ZMYM6: variants seen among roughly 807,000 people sequenced by gnomAD.
ZMYM6 encodes the protein zinc finger MYM-type containing 6.
A neutral mutation model predicts 134.0 loss-of-function variants in ZMYM6; 90 were observed. The observed-to-expected ratio is 0.67, with a 90% CI of 0.57 to 0.80. ZMYM6 has a LOEUF of 0.80. Among genes scored for constraint, ZMYM6 ranks in the 30% least tolerant of loss-of-function variants. The pLI, the probability that ZMYM6 is intolerant of heterozygous loss-of-function variation, is 0.00. For synonymous variants in ZMYM6, 481 were observed against 524.1 expected, an observed-to-expected ratio of 0.92 and a Z score of 1.12; for missense variants, 1,362 against 1,533.9, an observed-to-expected ratio of 0.89 and a Z score of 1.87.
At chr1:35,002,113 C>T (rs547668218) in intron 14 of ZMYM6, among the ~76,000 whole-genome samples, 2 of 152,294 alleles carry the variant, frequency 1.3e-5, no homozygotes, top group Middle Eastern at 3.4e-3. Flanking sequence ...GGATTGACTG[C>T]TAGGACCCTC....
chr1:35,020,520 T>A, intron 2 of ZMYM6, 53 bp from the exon 3 acceptor site: 1 of 1,313,722 alleles, frequency 7.6e-7, no homozygotes, highest in Non-Finnish European at 1.0e-6. Flanking sequence ...TGTATGTAAG[T>A]AAACTAGAAA....
intron 11 of ZMYM6, among the ~76,000 whole-genome samples, chr1:35,008,069 A>G (rs1303315132): frequency 6.6e-6 from 1 of 152,134 alleles, no homozygotes; most frequent in African/African-American, 2.4e-5. Context: ...ACCCTCCCCC[A>G]ACAATAAAAT....
intron 2 of ZMYM6, among the ~76,000 whole-genome samples, chr1:35,020,963 C>T (rs1641299103): frequency 6.6e-6 from 1 of 152,034 alleles, no homozygotes. Context: ...TTTACAAAGA[C>T]AATCTTTCAG....
intron 14 of ZMYM6, among the ~76,000 whole-genome samples, chr1:35,002,271 G>T (rs1430837895): frequency 6.6e-6 from 1 of 152,192 alleles, no homozygotes; most frequent in African/African-American, 2.4e-5. Context: ...ATTAGCAGGT[G>T]TTATGTTGTC....
rs369031004 is a variant in ZMYM6, at chr1:35,027,789, C to CA, written c.93+2757dup. Among the ~76,000 whole-genome samples the CA allele has an allele frequency of 2.7e-3, 409 of 152,060 alleles. 3 individuals are homozygous for CA. The highest frequency in any genetic ancestry group is 9.4e-3 in the African/African-American group (391 of 41,500). On this transcript the variant is annotated intron_variant, in intron 2 of 15. Transcript: ENST00000357182. ...ATAGAAGAACATCATGGGTCAGATACAAAAAATATTTAAAAGCTAAAAACC... is the reference window on the plus strand; with the variant it reads ...ATAGAAGAACATCATGGGTCAGATACAAAAAAATATTTAAAAGCTAAAAACC...
In ZMYM6 at chr1:35,020,372, C is replaced by T. The variant is rs1414507721; in HGVS notation, c.178+11G>A. ...TTAATTGTAACTAACTTATACAGTT[C>T]CATTTCTTACCAATAGGTCTCTCAT... On this transcript the variant is annotated intron_variant, in intron 3 of 15. Coordinates refer to ENST00000357182, the MANE Select transcript of ZMYM6 (RefSeq NM_007167.4). 2 of 1,593,708 alleles carry T rather than the reference C, an allele frequency of 1.3e-6. No individual in the cohort carries two copies. Among genetic ancestry groups the T allele is most frequent in the East Asian group, 2.2e-5 (1 of 44,686 alleles).
chr1:35,026,607 T>A (rs528413035), intron 2 of ZMYM6, among the ~76,000 whole-genome samples: 2 of 152,292 alleles, frequency 1.3e-5, no homozygotes, highest in African/African-American at 4.8e-5. Context: ...ATTATCACAA[T>A]TTTTATATTC....
intron 14 of ZMYM6, among the ~76,000 whole-genome samples, chr1:34,994,176 A>G (rs185711914): frequency 6.6e-6 from 1 of 152,354 alleles, no homozygotes; most frequent in Admixed American, 6.5e-5. Flanking sequence ...CGCAGAAAAC[A>G]AGACAAAGTT....
At chr1:34,995,803 G>A (rs1640774496) in intron 14 of ZMYM6, among the ~76,000 whole-genome samples, 2 of 152,182 alleles carry the variant, frequency 1.3e-5, no homozygotes, top group South Asian at 4.1e-4. Context: ...TCCTTCTAGA[G>A]ATGGTGTATG....
At chr1:35,006,077 G>A (rs112494487) in intron 12 of ZMYM6, among the ~76,000 whole-genome samples, 2,659 of 152,240 alleles carry the variant, frequency 0.017, 90 homozygotes, top group African/African-American at 0.061. Context: ...GCATGATCTC[G>A]GCTCACTGTA....
chr1:34,989,046 A>C, intron 15 of ZMYM6, 111 bp from the exon 16 acceptor site: 5 of 1,496,716 alleles, frequency 3.3e-6, no homozygotes, highest in Non-Finnish European at 3.5e-6. Flanking sequence ...CTATTTATCA[A>C]AAGAATGCAC....
At chr1:35,006,506 G>A (rs990997211) in intron 12 of ZMYM6, among the ~76,000 whole-genome samples, 2 of 152,094 alleles carry the variant, frequency 1.3e-5, no homozygotes, top group Admixed American at 6.5e-5. Flanking sequence ...GATAATTAAC[G>A]TGTTGTTCTT....
intron 12 of ZMYM6, 102 bp downstream of exon 12, chr1:35,006,849 G>T: frequency 1.8e-6 from 2 of 1,115,702 alleles, no homozygotes; most frequent in African/African-American, 1.6e-5. Flanking sequence ...CAGGCTATTT[G>T]AATCCAATGA....
chr1:34,998,435 C>A (rs762716824), intron 14 of ZMYM6, among the ~76,000 whole-genome samples: 3 of 152,114 alleles, frequency 2.0e-5, no homozygotes, highest in Admixed American at 2.0e-4. Flanking sequence ...TTATTCTTTT[C>A]AGAATGTCAT....
At position 34,993,688 on chromosome 1, in the gene ZMYM6, AT is replaced by A. The variant is rs879650348; in HGVS notation, c.1993-1302del. 4.7e-3 allele frequency among the ~76,000 whole-genome samples: 677 copies of A among 145,392 alleles called. 2 individuals are homozygous for A. The highest frequency in any genetic ancestry group is 0.014 in the African/African-American group (573 of 39,964). On this transcript the variant is annotated intron_variant, in intron 14 of 15. Transcript: ENST00000357182. The stretch of plus-strand genomic sequence containing the variant: ...AATAAAGCTCTTAAAAAGTAAATTA[AT>A]TTTTTTTTTTTTGAGACGGAGTCTC...
intron 11 of ZMYM6, among the ~76,000 whole-genome samples, 180 bp downstream of exon 11, chr1:35,008,572 T>C (rs1245904355): frequency 2.6e-5 from 4 of 152,220 alleles, no homozygotes; most frequent in Non-Finnish European, 5.9e-5. Context: ...GCAGAAATCC[T>C]ATACTTTTTA....
Position 34,988,167 on chromosome 1 carries a change from C to G in ZMYM6, c.2915G>C (p.Trp972Ser). 6.5e-7 allele frequency: 1 copy of G among 1,549,908 alleles called. No individual in the cohort carries two copies. The highest frequency in any genetic ancestry group is 1.2e-5 in the South Asian group (1 of 83,572). The stretch of plus-strand genomic sequence containing the variant: ...GGTACAGAGACCAACACAATGTTTC[C>G]AATTCAGAGATTTACTATCAATATA... ...NKYIDSKSLN[W>S]KHCVGLCTDG... Residue 972 changes from tryptophan to serine, a missense_variant, in exon 16 of 16, where the codon TGG (tryptophan) becomes TCG (serine). Trp to Ser is a radical substitution (Grantham distance 177, BLOSUM62 -3). Coordinates refer to ENST00000357182, the MANE Select transcript of ZMYM6 (RefSeq NM_007167.4).
chr1:35,022,942 ATCTT>A (rs1261532467), intron 2 of ZMYM6, among the ~76,000 whole-genome samples: 1 of 152,062 alleles, frequency 6.6e-6, no homozygotes, highest in African/African-American at 2.4e-5. Flanking sequence ...AAGCTATTTA[ATCTT>A]TCTTAGTTTC....
At chr1:35,008,165 A>C (rs1641018839) in intron 11 of ZMYM6, among the ~76,000 whole-genome samples, 1 of 152,164 alleles carries the variant, frequency 6.6e-6, no homozygotes, top group African/African-American at 2.4e-5. Context: ...AGCTTCCTCA[A>C]GAGCATATTA....
Sources: gnomAD v4.1 joint callset for allele counts (sites outside exome capture counted in the v4.1 genomes callset) on GRCh38, gnomAD v4.1.1 for gene constraint, MANE v1.5 for transcripts, NCBI Gene and HGNC (gene_info 2026-07-23, HGNC 2026-07-21) for gene names.